The following PTBP3 variants were observed in gnomAD, a reference collection of about 807,000 sequenced individuals.
PTBP3 encodes polypyrimidine tract binding protein 3.
A neutral mutation model predicts 58.7 loss-of-function variants in PTBP3; 20 were observed. The observed-to-expected ratio is 0.34, with a 90% CI of 0.24 to 0.50. The LOEUF (loss-of-function observed/expected upper bound fraction) is 0.50, where lower values mean the gene tolerates loss of function less well. Ranked by LOEUF, PTBP3 falls within the 20% of genes least tolerant of loss-of-function variation. The pLI is 0.98. For missense variants in PTBP3, 509 were observed against 637.2 expected (o/e 0.80, Z 2.17); for synonymous variants, 185 against 219.8 (o/e 0.84, Z 1.40).
chr9:112,301,514 T>C (rs1464978658), intron 1 of PTBP3, among the ~76,000 whole-genome samples: 1 of 151,820 alleles, frequency 6.6e-6, no homozygotes, highest in African/African-American at 2.4e-5. Context: ...AAAGATAATA[T>C]GCTCTATGAT....
intron 2 of PTBP3, among the ~76,000 whole-genome samples, chr9:112,286,460 T>C (rs1564434551): frequency 1.3e-5 from 2 of 152,208 alleles, no homozygotes; most frequent in Admixed American, 1.3e-4. Flanking sequence ...TTTTTACTTT[T>C]TTTTAAGTGA....
Position 112,221,007 on chromosome 9 carries a change from T to C in PTBP3, c.*2844A>G, listed in dbSNP as rs1176986961. On this transcript the variant is annotated 3_prime_UTR_variant, in exon 14 of 14. Transcript: ENST00000374257. ...CCACCATCCTGATATTTTTTAATCTTTTTTTTACAAAAACTATGCCAACAC... is the reference window on the plus strand; with the variant it reads ...CCACCATCCTGATATTTTTTAATCTCTTTTTTACAAAAACTATGCCAACAC... 5.1e-6 allele frequency: 5 copies of C among 976,292 alleles called. No homozygotes were observed. In the East Asian group the frequency reaches 5.7e-4, roughly 111 times the overall value. The allele number at this position is 976,292 out of a possible 1,614,324, so 60.5% of individuals were successfully genotyped here.
intron 1 of PTBP3, among the ~76,000 whole-genome samples, chr9:112,317,610 A>G (rs1487686094): frequency 1.3e-5 from 2 of 152,206 alleles, no homozygotes; most frequent in African/African-American, 4.8e-5. Flanking sequence ...CGGTACTGAA[A>G]AGATGAAAAT....
At chr9:112,311,222 GC>G (rs1439637019) in intron 1 of PTBP3, among the ~76,000 whole-genome samples, 3 of 151,604 alleles carry the variant, frequency 2.0e-5, no homozygotes. Context: ...TATACGATTG[GC>G]CCACCGTATC....
intron 1 of PTBP3, among the ~76,000 whole-genome samples, chr9:112,300,361 G>C (rs762851341): frequency 1.1e-4 from 17 of 152,234 alleles, no homozygotes; most frequent in Non-Finnish European, 1.9e-4. Flanking sequence ...ATCAACTGCA[G>C]AATAACTGAG....
intron 1 of PTBP3, among the ~76,000 whole-genome samples, chr9:112,312,590 G>A (rs1829535325): frequency 2.7e-5 from 1 of 37,388 alleles, no homozygotes; most frequent in African/African-American, 2.0e-4. Flanking sequence ...TCGGGGAAAT[G>A]ATAAATGAAA....
intron 1 of PTBP3, among the ~76,000 whole-genome samples, chr9:112,306,604 A>ATATATATTTT (rs1341386115): frequency 1.9e-5 from 2 of 104,036 alleles, no homozygotes; most frequent in Non-Finnish European, 3.5e-5. Context: ...ATATATATAT[A>ATATATATTTT]TTTTTGTTTG....
At chr9:112,348,627 C>A in the PTBP3 span, among the ~76,000 whole-genome samples, 1 of 152,232 alleles carries the variant, frequency 6.6e-6, no homozygotes, top group Non-Finnish European at 1.5e-5. Flanking sequence ...AGTTATAAAA[C>A]CCCAAGTCAA....
At chr9:112,359,546 G>A in the PTBP3 span, among the ~76,000 whole-genome samples, 1 of 150,748 alleles carries the variant, frequency 6.6e-6, no homozygotes, top group Non-Finnish European at 1.5e-5. Context: ...GCTCACACCT[G>A]TAATCCCAGC....
intron 1 of PTBP3, among the ~76,000 whole-genome samples, chr9:112,317,547 A>G (rs768920784): frequency 3.9e-5 from 6 of 152,260 alleles, no homozygotes; most frequent in Admixed American, 6.5e-5. Context: ...ATAGACCAAC[A>G]ATACTGAAAG....
the PTBP3 span, among the ~76,000 whole-genome samples, chr9:112,352,818 T>A: frequency 6.6e-6 from 1 of 152,200 alleles, no homozygotes; most frequent in African/African-American, 2.4e-5. Context: ...TGAAATTTCT[T>A]TTTTGGTTCT....
chr9:112,313,010 C>A (rs1829553964), intron 1 of PTBP3, among the ~76,000 whole-genome samples: 1 of 151,566 alleles, frequency 6.6e-6, no homozygotes. Flanking sequence ...TGCCACTGCA[C>A]TCCAGACTGG....
chr9:112,379,827 G>C, the PTBP3 span: 1 of 491,438 alleles, frequency 2.0e-6, no homozygotes, highest in South Asian at 2.4e-5. Flanking sequence ...CGTAGCGGCT[G>C]ACGCTGCCCA....
At chr9:112,369,896 T>A in the PTBP3 span, among the ~76,000 whole-genome samples, 1 of 152,270 alleles carries the variant, frequency 6.6e-6, no homozygotes, top group South Asian at 2.1e-4. Context: ...GGGGCCAGTT[T>A]TCCCATGCTT....
the PTBP3 span, among the ~76,000 whole-genome samples, chr9:112,356,865 C>G: frequency 8.1e-6 from 1 of 123,594 alleles, no homozygotes; most frequent in Admixed American, 9.4e-5. Context: ...GGTGTATATT[C>G]ATTTCCCTCT....
chr9:112,370,278 A>T, the PTBP3 span, among the ~76,000 whole-genome samples: 1 of 152,204 alleles, frequency 6.6e-6, no homozygotes, highest in Non-Finnish European at 1.5e-5. Flanking sequence ...GCAATGGCTC[A>T]TGCCTGTAAT....
At chr9:112,370,511 A>AGAC in the PTBP3 span, among the ~76,000 whole-genome samples, 2 of 152,188 alleles carry the variant, frequency 1.3e-5, no homozygotes, top group African/African-American at 4.8e-5. Context: ...ACTGCATTCC[A>AGAC]GACTGGATGA....
At chr9:112,375,535 C>CTGTCAACTGATCA in the PTBP3 span, among the ~76,000 whole-genome samples, 1 of 152,140 alleles carries the variant, frequency 6.6e-6, no homozygotes, top group South Asian at 2.1e-4. Context: ...TTCTCTTCCT[C>CTGTCAACTGATCA]TGTCAACTGA....
chr9:112,245,123 A>T (rs1279937761), intron 7 of PTBP3, among the ~76,000 whole-genome samples: 1 of 152,196 alleles, frequency 6.6e-6, no homozygotes, highest in East Asian at 1.9e-4. Flanking sequence ...AGCCTGGCCA[A>T]CATGGCAAAA....
Sources: gnomAD v4.1 joint callset for allele counts (sites outside exome capture counted in the v4.1 genomes callset) on GRCh38, gnomAD v4.1.1 for gene constraint, MANE v1.5 for transcripts, NCBI Gene and HGNC (gene_info 2026-07-23, HGNC 2026-07-21) for gene names.